TSPAN5: variants seen among roughly 807,000 people sequenced by gnomAD.
The protein encoded by TSPAN5 is tetraspanin-5.
In TSPAN5, 10 loss-of-function variants were observed where a neutral mutation model predicts 37.1. The ratio of observed to expected loss-of-function variants is 0.27; its 90% CI spans 0.17 to 0.46. TSPAN5 has a LOEUF of 0.46. Among genes scored for constraint, TSPAN5 ranks in the 20% least tolerant of loss-of-function variants. TSPAN5 has a pLI of 1.00. For missense variants in TSPAN5, 195 were observed against 326.6 expected (o/e 0.60, Z 3.11); for synonymous variants, 110 against 118.9 (o/e 0.93, Z 0.48).
At chr4:98,578,494 C>G (rs948872866) in intron 1 of TSPAN5, among the ~76,000 whole-genome samples, 1 of 152,066 alleles carries the variant, frequency 6.6e-6, no homozygotes, top group Non-Finnish European at 1.5e-5. Flanking sequence ...GGCACAATCT[C>G]GGCTCACTGC....
chr4:98,496,554 G>A (rs1241645198), intron 2 of TSPAN5: 1 of 152,206 alleles, frequency 6.6e-6, no homozygotes, highest in African/African-American at 2.4e-5. Flanking sequence ...CTGCCTTTGA[G>A]GAGAAGAGGA....
intron 1 of TSPAN5, among the ~76,000 whole-genome samples, chr4:98,618,944 G>C (rs1212238710): frequency 1.3e-5 from 2 of 152,164 alleles, no homozygotes; most frequent in Admixed American, 1.3e-4. Flanking sequence ...ACGTGCCTCT[G>C]TCTCAGACTT....
At chr4:98,481,322 C>T (rs1752833111) in intron 4 of TSPAN5, among the ~76,000 whole-genome samples, 1 of 152,072 alleles carries the variant, frequency 6.6e-6, no homozygotes, top group Admixed American at 6.5e-5. Flanking sequence ...GTCTTTTGGT[C>T]CCTTGCATTC....
chr4:98,577,994 C>T (rs1755283379), intron 1 of TSPAN5, among the ~76,000 whole-genome samples: 1 of 152,188 alleles, frequency 6.6e-6, no homozygotes, highest in African/African-American at 2.4e-5. Context: ...ATTAATTATA[C>T]CTTAAATCTG....
chr4:98,479,363 A>G (rs1188625636), intron 4 of TSPAN5, among the ~76,000 whole-genome samples: 1 of 152,218 alleles, frequency 6.6e-6, no homozygotes, highest in East Asian at 1.9e-4. Flanking sequence ...TACTGGAAAT[A>G]CAAAATTGCA....
intron 1 of TSPAN5, among the ~76,000 whole-genome samples, chr4:98,562,129 G>T (rs986867910): frequency 6.6e-6 from 1 of 152,174 alleles, no homozygotes; most frequent in African/African-American, 2.4e-5. Flanking sequence ...AGGGGATGAG[G>T]TTATAAATAA....
At chr4:98,501,822 G>A (rs1753357729) in intron 2 of TSPAN5, among the ~76,000 whole-genome samples, 1 of 152,206 alleles carries the variant, frequency 6.6e-6, no homozygotes, top group Non-Finnish European at 1.5e-5. Flanking sequence ...AAGCAGAGAA[G>A]TAAAAGGATC....
chr4:98,502,688 G>T (rs1753381751), intron 2 of TSPAN5, among the ~76,000 whole-genome samples: 1 of 152,120 alleles, frequency 6.6e-6, no homozygotes, highest in Non-Finnish European at 1.5e-5. Context: ...ACAAGATGCA[G>T]AAATATAGTC....
intron 1 of TSPAN5, among the ~76,000 whole-genome samples, chr4:98,608,079 G>A (rs1424186110): frequency 6.6e-6 from 1 of 152,170 alleles, no homozygotes; most frequent in Non-Finnish European, 1.5e-5. Context: ...CAAAAAATAA[G>A]TTTAATGTTA....
intron 1 of TSPAN5, among the ~76,000 whole-genome samples, chr4:98,542,882 TA>T (rs1560530323): frequency 6.6e-6 from 1 of 152,046 alleles, no homozygotes; most frequent in South Asian, 2.1e-4. Flanking sequence ...AGGTCCACCT[TA>T]AAAAAATGTA....
chr4:98,541,961 T>C (rs1485943392), intron 1 of TSPAN5, among the ~76,000 whole-genome samples: 1 of 152,160 alleles, frequency 6.6e-6, no homozygotes, highest in East Asian at 1.9e-4. Flanking sequence ...GTCTCTGTGC[T>C]CTTAATTTAC....
At chr4:98,627,991 A>T (rs1163773354) in intron 1 of TSPAN5, among the ~76,000 whole-genome samples, 1 of 152,198 alleles carries the variant, frequency 6.6e-6, no homozygotes, top group Non-Finnish European at 1.5e-5. Context: ...AGGACTGAAC[A>T]CTCATCCAAA....
intron 1 of TSPAN5, among the ~76,000 whole-genome samples, chr4:98,571,111 C>A (rs535431683): frequency 6.6e-6 from 1 of 152,268 alleles, no homozygotes; most frequent in Admixed American, 6.5e-5. Context: ...TTCTAGCAGC[C>A]CTGATCATCT....
rs914960935 is a variant in TSPAN5 at position 98,493,688 on chromosome 4, C to T, written c.133-6804G>A. On this transcript the variant is annotated intron_variant, in intron 2 of 7. Transcript: ENST00000305798. Reference sequence around the variant, plus strand: ...AAGAACTGATATAAATGAATATATTCATAAGAATTCTTCGTATGCAGACTA... The same window carrying T: ...AAGAACTGATATAAATGAATATATTTATAAGAATTCTTCGTATGCAGACTA... Among the ~76,000 whole-genome samples, 8 of 152,086 alleles carry T rather than the reference C, an allele frequency of 5.3e-5. No individual in the cohort carries two copies. In the East Asian group the frequency reaches 9.6e-4, roughly 18 times the overall value.
intron 1 of TSPAN5, among the ~76,000 whole-genome samples, chr4:98,510,945 CAG>C (rs1227625510): frequency 6.6e-6 from 1 of 152,154 alleles, no homozygotes; most frequent in Non-Finnish European, 1.5e-5. Context: ...AGCCAAAAAA[CAG>C]AGACAGGCAT....
chr4:98,538,188 C>G (rs1402667393), intron 1 of TSPAN5, among the ~76,000 whole-genome samples: 1 of 152,258 alleles, frequency 6.6e-6, no homozygotes, highest in East Asian at 1.9e-4. Flanking sequence ...TAGAGGTTAA[C>G]TGTCAGTTAT....
At chr4:98,489,533 C>T (rs1753041515) in intron 2 of TSPAN5, among the ~76,000 whole-genome samples, 1 of 152,176 alleles carries the variant, frequency 6.6e-6, no homozygotes, top group African/African-American at 2.4e-5. Context: ...ACTGCACACT[C>T]TCTGGTCTGT....
chr4:98,619,265 T>C (rs1193099568), intron 1 of TSPAN5, among the ~76,000 whole-genome samples: 1 of 152,194 alleles, frequency 6.6e-6, no homozygotes, highest in Non-Finnish European at 1.5e-5. Flanking sequence ...TGTTATTTTA[T>C]TGCAGGCGTC....
rs573648622 is a variant in TSPAN5, at chr4:98,471,130, C to G, written c.*1392G>C. ...TTGCCCCAGTTCAACGCATTCCCCT[C>G]CAAAGTATTTGTGCTTTGATACCAT... On this transcript the variant is annotated 3_prime_UTR_variant, in exon 8 of 8. Coordinates refer to ENST00000305798, the MANE Select transcript of TSPAN5 (RefSeq NM_005723.4). 6.6e-6 allele frequency: 1 copy of G among 152,328 alleles called. No individual in the cohort carries two copies. The highest frequency in any genetic ancestry group is 1.9e-4 in the East Asian group (1 of 5,186). 9.4% of individuals were successfully genotyped at this position (152,328 alleles called of 1,614,324 possible). A position where few individuals can be genotyped will look rare whatever the true frequency, so the allele number is the denominator to read the frequency against.
Sources: allele counts gnomAD v4.1 joint callset (sites outside exome capture counted in the v4.1 genomes callset), GRCh38; gene constraint gnomAD v4.1.1; transcripts MANE v1.5; gene names NCBI Gene and HGNC (gene_info 2026-07-23, HGNC 2026-07-21).